The following PLEKHG7 variants were observed in gnomAD, a reference collection of about 807,000 sequenced individuals.
PLEKHG7 encodes the protein pleckstrin homology and RhoGEF domain containing G7.
PLEKHG7 carries 77 observed loss-of-function variants against 85.2 expected under a neutral mutation model. The observed-to-expected ratio is 0.90, with a 90% CI of 0.75 to 1.09. PLEKHG7 has a LOEUF of 1.09. Among genes scored for constraint, PLEKHG7 ranks in the 50% least tolerant of loss-of-function variants. The pLI, the probability that PLEKHG7 is intolerant of heterozygous loss-of-function variation, is 0.00. For synonymous variants in PLEKHG7, 301 were observed against 302.4 expected (o/e 1.00, Z 0.05); for missense variants, 777 against 804.3 (o/e 0.97, Z 0.41).
chr12:92,761,660 AAGAAAG>A (rs1258026181), intron 13 of PLEKHG7, 86 bp from the exon 14 acceptor site: 3 of 1,331,794 alleles, frequency 2.3e-6, no homozygotes, highest in East Asian at 6.4e-5. Context: ...GAAAGAAAGA[AAGAAAG>A]AAAGAAAGAA....
intron 10 of PLEKHG7, among the ~76,000 whole-genome samples, chr12:92,746,440 A>G (rs1872535251): frequency 6.6e-6 from 1 of 152,252 alleles, no homozygotes; most frequent in African/African-American, 2.4e-5. Flanking sequence ...AAGGACGAGA[A>G]AAGGGGAATA....
intron 9 of PLEKHG7, among the ~76,000 whole-genome samples, chr12:92,743,403 C>G (rs962234621): frequency 1.3e-5 from 2 of 152,218 alleles, no homozygotes; most frequent in Admixed American, 1.3e-4. Context: ...AGCTCACCAG[C>G]TGGAAGATAG....
In PLEKHG7 at chr12:92,761,632, A is replaced by AAG. The variant is rs779402297; in HGVS notation, c.1637-118_1637-117dup. On this transcript the variant is annotated intron_variant, in intron 13 of 16. Transcript: ENST00000344636. The stretch of plus-strand genomic sequence containing the variant: ...AAAAGAAAGAAAGAAAGAAGAAAGA[A>AAG]AGAAAGAAAGAAAGAAAGAAAGAAA... 9 of 225,930 alleles carry AAG rather than the reference A, an allele frequency of 4.0e-5. No homozygotes were observed. In the African/African-American group the frequency reaches 7.7e-4, roughly 19 times the overall value. The allele number at this position is 225,930 out of a possible 1,614,324, so 14.0% of individuals were successfully genotyped here.
chr12:92,717,094 G>A lies in PLEKHG7; in HGVS notation c.530+9422G>A, dbSNP rs139138548. On this transcript the variant is annotated intron_variant, in intron 3 of 16. Coordinates refer to ENST00000344636, the MANE Select transcript of PLEKHG7 (RefSeq NM_001377329.1). The stretch of plus-strand genomic sequence containing the variant: ...CATCCCTTCAATTTTATATTCATAG[G>A]AAGCATCCATCTTACCTAATTTTCA... Among the ~76,000 whole-genome samples, 1,296 of 152,280 alleles carry A rather than the reference G, an allele frequency of 8.5e-3. 16 individuals are homozygous for A. Among genetic ancestry groups the A allele is most frequent in the African/African-American group, 0.028 (1,184 of 41,564 alleles).
Position 92,755,938 on chromosome 12 carries a change from G to T in PLEKHG7, c.1540G>T (p.Glu514Ter), listed in dbSNP as rs780171743. 4 of 1,592,762 alleles carry T rather than the reference G, an allele frequency of 2.5e-6. No individual in the cohort carries two copies. The highest frequency in any genetic ancestry group is 2.6e-6 in the Non-Finnish European group (3 of 1,169,312). ...WDRDKRFFIP[E>*]CLKHIFKEHM... ...TAGAGATAAAAGGTTTTTCATTCCA[G>T]AGGTACAAAAAAAAAATCAATTAGG... The change falls in exon 12 of 17, where the codon GAG becomes TAG. Residue 514 changes from glutamate to a stop codon, truncating the protein, a stop_gained and splice_region_variant. Transcript: ENST00000344636. LOFTEE classifies it high-confidence loss of function.
chr12:92,716,399 A>C (rs1448773976), intron 3 of PLEKHG7, among the ~76,000 whole-genome samples: 2 of 152,198 alleles, frequency 1.3e-5, no homozygotes, highest in Non-Finnish European at 2.9e-5. Context: ...TTAACCTGTA[A>C]TATATGTAAC....
chr12:92,736,426 T>C, intron 5 of PLEKHG7, 56 bp from the exon 6 acceptor site: 1 of 1,058,172 alleles, frequency 9.5e-7, no homozygotes, highest in East Asian at 3.2e-5. Flanking sequence ...GCTACCGAAG[T>C]CATGTCATTA....
chr12:92,768,209 G>GA (rs748690347), intron 15 of PLEKHG7, among the ~76,000 whole-genome samples: 295 of 126,464 alleles, frequency 2.3e-3, no homozygotes, highest in South Asian at 0.015. Flanking sequence ...TTCGTCTCAA[G>GA]AAAAAAAAAA....
intron 1 of PLEKHG7, among the ~76,000 whole-genome samples, chr12:92,703,807 C>A (rs1016411545): frequency 6.6e-6 from 1 of 152,118 alleles, no homozygotes; most frequent in African/African-American, 2.4e-5. Flanking sequence ...TAATTCTTAC[C>A]GATGTGAATC....
chr12:92,707,921 A>C, intron 3 of PLEKHG7: 1 of 577,172 alleles, frequency 1.7e-6, no homozygotes, highest in Admixed American at 3.1e-5. Context: ...TTGAATTGTC[A>C]ATGTCTTGGC....
intron 6 of PLEKHG7, among the ~76,000 whole-genome samples, chr12:92,737,158 G>A (rs1341217204): frequency 1.3e-5 from 2 of 152,146 alleles, no homozygotes; most frequent in Non-Finnish European, 2.9e-5. Context: ...ATTTCATGCT[G>A]CATATTAGGA....
rs148764641 is a variant in PLEKHG7, at chr12:92,733,500, C to T, written c.699+1227C>T. On this transcript the variant is annotated intron_variant, in intron 5 of 16. Transcript: ENST00000344636. ...TCTTAAATTGTTAGTAAAATGGTAA[C>T]ACCATTGCCACCAGGGCTGTTGCTC... Among the ~76,000 whole-genome samples, 14 of 152,284 alleles carry T rather than the reference C, an allele frequency of 9.2e-5. 1 individual carries two copies. The East Asian group carries it at 2.1e-3, about 23-fold the overall frequency.
At chr12:92,725,431 AC>A (rs1398279734) in intron 3 of PLEKHG7, among the ~76,000 whole-genome samples, 1 of 152,170 alleles carries the variant, frequency 6.6e-6, no homozygotes, top group African/African-American at 2.4e-5. Context: ...ACCTTTAGTG[AC>A]CATTATAGGA....
intron 5 of PLEKHG7, among the ~76,000 whole-genome samples, chr12:92,734,926 C>G (rs973150692): frequency 3.3e-5 from 5 of 152,166 alleles, no homozygotes; most frequent in African/African-American, 1.2e-4. Flanking sequence ...CATTGCCTCT[C>G]CTAACCACTG....
intron 3 of PLEKHG7, among the ~76,000 whole-genome samples, chr12:92,713,716 T>C (rs1169311229): frequency 1.3e-5 from 2 of 152,146 alleles, no homozygotes; most frequent in African/African-American, 4.8e-5. Flanking sequence ...AAGTGACTAA[T>C]CCACTCCACC....
chr12:92,721,394 T>C (rs1871637481), intron 3 of PLEKHG7: 5 of 1,159,964 alleles, frequency 4.3e-6, no homozygotes, highest in Admixed American at 4.2e-5. Context: ...GCCCACACCA[T>C]GGACCTTCAG....
intron 3 of PLEKHG7, among the ~76,000 whole-genome samples, chr12:92,712,854 G>A (rs1871390063): frequency 6.6e-6 from 1 of 152,128 alleles, no homozygotes; most frequent in African/African-American, 2.4e-5. Flanking sequence ...AGTCAGACCT[G>A]AGCTAAAACT....
intron 3 of PLEKHG7, among the ~76,000 whole-genome samples, chr12:92,727,347 T>C (rs1472592485): frequency 6.6e-6 from 1 of 152,186 alleles, no homozygotes; most frequent in Non-Finnish European, 1.5e-5. Context: ...AGACTTCTAG[T>C]GTACCCATAA....
intron 10 of PLEKHG7, among the ~76,000 whole-genome samples, chr12:92,749,960 TTTTA>T (rs1261851733): frequency 9.5e-6 from 1 of 104,806 alleles, no homozygotes; most frequent in Non-Finnish European, 1.8e-5. Context: ...TTATTTTATA[TTTTA>T]TTTTATATTT....
Sources: gnomAD v4.1 joint callset for allele counts (sites outside exome capture counted in the v4.1 genomes callset) on GRCh38, gnomAD v4.1.1 for gene constraint, MANE v1.5 for transcripts, NCBI Gene and HGNC (gene_info 2026-07-23, HGNC 2026-07-21) for gene names.